The following NKAIN3 variants were observed in gnomAD, a reference collection of about 807,000 sequenced individuals.
NKAIN3 encodes the protein sodium/potassium-transporting ATPase subunit beta-1-interacting protein 3.
NKAIN3 carries 25 observed loss-of-function variants against 30.2 expected under a neutral mutation model. That is an observed-to-expected ratio of 0.83 (90% CI 0.60 to 1.16). NKAIN3 has a LOEUF of 1.16. Among genes scored for constraint, NKAIN3 ranks in the 50% most tolerant of loss-of-function variants. NKAIN3 has a pLI of 0.00. For synonymous variants in NKAIN3, 91 were observed against 89.6 expected, an observed-to-expected ratio of 1.02 and a Z score of -0.09; for missense variants, 225 against 254.1, an observed-to-expected ratio of 0.89 and a Z score of 0.78.
At chr8:62,286,552 T>C (rs1017573369) in intron 1 of NKAIN3, among the ~76,000 whole-genome samples, 1 of 152,162 alleles carries the variant, frequency 6.6e-6, no homozygotes, top group African/African-American at 2.4e-5. Context: ...ATAATTTAAA[T>C]GAATAGGTTT....
chr8:62,488,862 G>A (rs1489565254), intron 1 of NKAIN3, among the ~76,000 whole-genome samples: 1 of 152,050 alleles, frequency 6.6e-6, no homozygotes, highest in African/African-American at 2.4e-5. Context: ...CAAACTATTG[G>A]TTCAACTTTT....
chr8:62,534,437 C>G (rs1473918908), intron 1 of NKAIN3, among the ~76,000 whole-genome samples: 1 of 152,158 alleles, frequency 6.6e-6, no homozygotes, highest in Non-Finnish European at 1.5e-5. Flanking sequence ...TACCCACCAG[C>G]ACGTCATTTG....
intron 1 of NKAIN3, among the ~76,000 whole-genome samples, chr8:62,507,002 G>C (rs1228969757): frequency 6.6e-6 from 1 of 152,116 alleles, no homozygotes; most frequent in African/African-American, 2.4e-5. Context: ...CCAACCCTGG[G>C]AAGCTCTTGC....
At chr8:62,887,215 C>T (rs903276085) in intron 4 of NKAIN3, among the ~76,000 whole-genome samples, 1 of 152,108 alleles carries the variant, frequency 6.6e-6, no homozygotes, top group Non-Finnish European at 1.5e-5. Context: ...CTTTTCTCCT[C>T]TGTAAGTAAA....
rs143808500 is a variant in NKAIN3, at chr8:62,951,616, G to A, written c.533-2286G>A. Among the ~76,000 whole-genome samples, 1,406 of 151,684 alleles carry A rather than the reference G, an allele frequency of 9.3e-3. 22 individuals are homozygous for A. The highest frequency in any genetic ancestry group is 0.033 in the African/African-American group (1,356 of 41,324). On this transcript the variant is annotated intron_variant, in intron 5 of 6. Coordinates refer to ENST00000623646, the MANE Select transcript of NKAIN3 (RefSeq NM_001304533.3). ...TGGGACTACAGGCACATGCCACCAC[G>A]TCCAGCTAATTTTTGAATTTTTTTT...
At chr8:62,943,687 ATG>A (rs968556724) in intron 5 of NKAIN3, among the ~76,000 whole-genome samples, 18 of 150,200 alleles carry the variant, frequency 1.2e-4, no homozygotes, top group African/African-American at 3.9e-4. Context: ...ATATATTTAT[ATG>A]TGTGTGTGTG....
chr8:62,708,003 T>C (rs768150182), intron 3 of NKAIN3, among the ~76,000 whole-genome samples: 16 of 152,176 alleles, frequency 1.1e-4, no homozygotes, highest in Non-Finnish European at 1.9e-4. Flanking sequence ...ACTTCATGTT[T>C]TTGTTTGTTT....
At chr8:62,917,750 A>G (rs1822151414) in intron 4 of NKAIN3, among the ~76,000 whole-genome samples, 2 of 152,212 alleles carry the variant, frequency 1.3e-5, no homozygotes, top group African/African-American at 4.8e-5. Flanking sequence ...GACTAGATTC[A>G]TAGACAATTT....
chr8:62,851,207 T>C (rs1247512465), intron 4 of NKAIN3, among the ~76,000 whole-genome samples: 1 of 152,176 alleles, frequency 6.6e-6, no homozygotes, highest in Non-Finnish European at 1.5e-5. Context: ...TATTTTATTC[T>C]CTTTGAAGCA....
At position 62,806,026 on chromosome 8, in the gene NKAIN3, T is replaced by A. The variant is rs187525686; in HGVS notation, c.471+58897T>A. Among the ~76,000 whole-genome samples the A allele has an allele frequency of 9.3e-3, 1,421 of 152,304 alleles. 25 individuals are homozygous for A. The highest frequency in any genetic ancestry group is 0.033 in the African/African-American group (1,358 of 41,566). On this transcript the variant is annotated intron_variant, in intron 4 of 6. Transcript: ENST00000623646. ...CAGACACTTCTAAAAAGAAGTCGTT[T>A]ATGCAGCCAAAAAAACACATGAAAA...
At chr8:62,249,153 C>T in intron 1 of NKAIN3, 26 bp downstream of exon 1, 2 of 1,517,424 alleles carry the variant, frequency 1.3e-6, no homozygotes, top group Non-Finnish European at 1.8e-6. Flanking sequence ...GCCCCTGCCC[C>T]AGGACAGGTC....
At chr8:62,964,797 T>C (rs948246836) in intron 6 of NKAIN3, among the ~76,000 whole-genome samples, 48 of 146,538 alleles carry the variant, frequency 3.3e-4, no homozygotes, top group African/African-American at 1.2e-3. Flanking sequence ...TAATCACTTT[T>C]CAAAATAAAA....
At chr8:62,985,580 C>A (rs114786855), downstream of NKAIN3, among the ~76,000 whole-genome samples, 207 of 152,274 alleles carry the variant, frequency 1.4e-3, 1 homozygote, top group African/African-American at 4.9e-3. Flanking sequence ...ACTGTAGTCT[C>A]CACAAAAATT....
intron 3 of NKAIN3, among the ~76,000 whole-genome samples, chr8:62,615,678 C>T (rs919309435): frequency 1.3e-5 from 2 of 152,122 alleles, no homozygotes; most frequent in Non-Finnish European, 1.5e-5. Context: ...TCCTCTCTGG[C>T]TAGGGCTGAT....
At chr8:62,603,524 G>T (rs1345212464) in intron 3 of NKAIN3, among the ~76,000 whole-genome samples, 1 of 152,068 alleles carries the variant, frequency 6.6e-6, no homozygotes, top group Non-Finnish European at 1.5e-5. Context: ...ATTTTTCCAT[G>T]TAGACAGTTG....
At chr8:62,961,935 G>A (rs1419692747) in intron 6 of NKAIN3, among the ~76,000 whole-genome samples, 3 of 152,082 alleles carry the variant, frequency 2.0e-5, no homozygotes, top group Admixed American at 6.6e-5. Flanking sequence ...TACAGCTTTA[G>A]GAAATGAAGA....
chr8:62,403,482 A>T (rs930205588), intron 1 of NKAIN3, among the ~76,000 whole-genome samples: 1 of 152,118 alleles, frequency 6.6e-6, no homozygotes, highest in Non-Finnish European at 1.5e-5. Flanking sequence ...CTGCTGTTTA[A>T]CCTCAGGACT....
chr8:62,389,344 A>T (rs1209207556), intron 1 of NKAIN3, among the ~76,000 whole-genome samples: 1 of 152,222 alleles, frequency 6.6e-6, no homozygotes, highest in Non-Finnish European at 1.5e-5. Flanking sequence ...GAGAAAATTT[A>T]AAACTTAGTC....
At chr8:62,767,661 T>C (rs1290468090) in intron 4 of NKAIN3, among the ~76,000 whole-genome samples, 1 of 152,138 alleles carries the variant, frequency 6.6e-6, no homozygotes, top group African/African-American at 2.4e-5. Context: ...ACTTAGAAGC[T>C]TAGGATTCTT....
Sources: gnomAD v4.1 joint callset for allele counts (sites outside exome capture counted in the v4.1 genomes callset) on GRCh38, gnomAD v4.1.1 for gene constraint, MANE v1.5 for transcripts, NCBI Gene and HGNC (gene_info 2026-07-23, HGNC 2026-07-21) for gene names.